The following DSTYK variants were observed in gnomAD, a reference collection of about 807,000 sequenced individuals.
DSTYK encodes dual serine/threonine and tyrosine protein kinase.
Under a neutral mutation model 98.7 loss-of-function variants are expected in DSTYK, and 34 were observed. The observed-to-expected ratio is 0.34, with a 90% CI of 0.26 to 0.46. The LOEUF is 0.46. Among genes scored for constraint, DSTYK ranks in the 20% least tolerant of loss-of-function variants. The pLI, the probability that DSTYK is intolerant of heterozygous loss-of-function variation, is 1.00. For synonymous variants in DSTYK, 462 were observed against 457.3 expected (o/e 1.01, Z -0.13); for missense variants, 962 against 1,181.7 (o/e 0.81, Z 2.73).
At chr1:205,178,331 G>A (rs540933973) in intron 2 of DSTYK, among the ~76,000 whole-genome samples, 5 of 151,978 alleles carry the variant, frequency 3.3e-5, no homozygotes, top group Admixed American at 6.6e-5. Flanking sequence ...ATATTGAATG[G>A]TCTCTATGCA....
chr1:205,183,569 T>C (rs918087535), intron 2 of DSTYK, among the ~76,000 whole-genome samples: 23 of 152,230 alleles, frequency 1.5e-4, no homozygotes, highest in African/African-American at 2.9e-4. Flanking sequence ...AAAATGAACA[T>C]TGCATTTCCC....
chr1:205,172,944 G>T (rs1459468620), intron 2 of DSTYK: 1 of 152,102 alleles, frequency 6.6e-6, no homozygotes, highest in Non-Finnish European at 1.5e-5. Context: ...TCACTACCCT[G>T]AGTCACACAT....
chr1:205,155,621 G>A (rs1012651225), intron 10 of DSTYK, among the ~76,000 whole-genome samples: 13 of 150,990 alleles, frequency 8.6e-5, no homozygotes, highest in Non-Finnish European at 1.5e-4. Flanking sequence ...TTGCGCCACT[G>A]CACTCCAGCC....
chr1:205,189,109 C>T (rs1658638507), intron 1 of DSTYK, among the ~76,000 whole-genome samples: 1 of 151,508 alleles, frequency 6.6e-6, no homozygotes, highest in Non-Finnish European at 1.5e-5. Flanking sequence ...TTTTCACCAC[C>T]CTTACGTTTT....
chr1:205,164,342 G>C (rs926020323), intron 3 of DSTYK, among the ~76,000 whole-genome samples: 5 of 151,922 alleles, frequency 3.3e-5, no homozygotes, highest in African/African-American at 1.2e-4. Context: ...GGAAGTAGAG[G>C]CTACAATGAG....
At chr1:205,208,366 T>C (rs1463775701) in intron 1 of DSTYK, among the ~76,000 whole-genome samples, 4 of 152,172 alleles carry the variant, frequency 2.6e-5, no homozygotes, top group Admixed American at 6.5e-5. Flanking sequence ...GACATGAAAA[T>C]TGTTTTACTA....
chr1:205,158,492 C>T (rs1264847034), intron 9 of DSTYK, among the ~76,000 whole-genome samples: 2 of 152,108 alleles, frequency 1.3e-5, no homozygotes, highest in Non-Finnish European at 2.9e-5. Context: ...AGGGTTTCAC[C>T]TTCACTCAAA....
intron 2 of DSTYK, among the ~76,000 whole-genome samples, chr1:205,183,579 C>G (rs982395882): frequency 6.6e-6 from 1 of 152,158 alleles, no homozygotes; most frequent in Non-Finnish European, 1.5e-5. Flanking sequence ...TTGCATTTCC[C>G]CTAATTCAAT....
intron 3 of DSTYK, among the ~76,000 whole-genome samples, chr1:205,168,128 T>C (rs147533550): frequency 6.6e-6 from 1 of 152,242 alleles, no homozygotes; most frequent in African/African-American, 2.4e-5. Context: ...GATTAATCAG[T>C]ACTTGGCAAC....
intron 2 of DSTYK, among the ~76,000 whole-genome samples, chr1:205,176,085 A>G (rs1658219617): frequency 6.6e-6 from 1 of 152,210 alleles, no homozygotes; most frequent in African/African-American, 2.4e-5. Flanking sequence ...AGTCATAGTG[A>G]ATTCCTAAAG....
chr1:205,211,497 G>A lies in DSTYK; in HGVS notation c.39C>T (p.Val13=), dbSNP rs1239672273. The stretch of plus-strand genomic sequence containing the variant: ...CGCCGCCGCCGGGGCCGGGACCCGA[G>A]ACGGGCTCGCTGCCCCATGGCACCC... ...GDGVPWGSEP[V]SGPGPGGGGM... is the part of the protein sequence containing the mutation. The change falls in exon 1 of 13, where the codon GTC becomes GTT. Residue 13 remains valine, a synonymous_variant. Transcript: ENST00000367162. The A allele has an allele frequency of 1.9e-6, 3 of 1,576,466 alleles. No individual in the cohort carries two copies. Among genetic ancestry groups the A allele is most frequent in the Non-Finnish European group, 2.6e-6 (3 of 1,166,362 alleles).
intron 1 of DSTYK, among the ~76,000 whole-genome samples, chr1:205,207,988 T>C (rs1049197067): frequency 2.6e-5 from 4 of 151,866 alleles, no homozygotes; most frequent in Non-Finnish European, 4.4e-5. Context: ...GTGATTCTCC[T>C]GCCTCAGCCT....
At chr1:205,202,446 G>A in intron 1 of DSTYK, 1 of 767,942 alleles carries the variant, frequency 1.3e-6, no homozygotes, top group Admixed American at 1.7e-5. Context: ...GGCCCAAAAA[G>A]CTTGCTGAAT....
Position 205,152,270 on chromosome 1 carries a change from C to T in DSTYK, c.2353-1476G>A, listed in dbSNP as rs113224704. Among the ~76,000 whole-genome samples the T allele has an allele frequency of 8.7e-3, 1,321 of 152,292 alleles. 23 individuals carry two copies. The highest frequency in any genetic ancestry group is 0.03 in the African/African-American group (1,264 of 41,566). ...TCGGCTCATCGCAACCTCTGCCTCC[C>T]GGGTTCAAGCGATTCTCCTGCCTCA... On this transcript the variant is annotated intron_variant, in intron 10 of 12. Transcript: ENST00000367162.
intron 7 of DSTYK, among the ~76,000 whole-genome samples, chr1:205,160,824 C>G (rs902620144): frequency 1.3e-5 from 2 of 151,642 alleles, no homozygotes; most frequent in African/African-American, 4.8e-5. Context: ...GCTCTGTCAC[C>G]CAGGCTGCAG....
chr1:205,183,196 G>A (rs1658469376), intron 2 of DSTYK, among the ~76,000 whole-genome samples: 2 of 152,104 alleles, frequency 1.3e-5, no homozygotes, highest in Admixed American at 6.6e-5. Context: ...AGATATACAT[G>A]CTTGAAGGAA....
At chr1:205,204,784 A>G (rs1453746876) in intron 1 of DSTYK, among the ~76,000 whole-genome samples, 1 of 152,100 alleles carries the variant, frequency 6.6e-6, no homozygotes, top group Admixed American at 6.5e-5. Flanking sequence ...CCTAGCAACC[A>G]CTAATCTACT....
chr1:205,156,454 T>A (rs1434655849), intron 10 of DSTYK, among the ~76,000 whole-genome samples: 1 of 152,052 alleles, frequency 6.6e-6, no homozygotes, highest in Non-Finnish European at 1.5e-5. Context: ...AGACATGGAG[T>A]CAAAGAAGAT....
At chr1:205,157,440 C>G in intron 9 of DSTYK, 54 bp from the exon 10 acceptor site, 1 of 1,418,500 alleles carries the variant, frequency 7.0e-7, no homozygotes, top group Non-Finnish European at 1.0e-6. Context: ...CTCAATTCAA[C>G]TGACTATACT....
Sources: allele counts gnomAD v4.1 joint callset (sites outside exome capture counted in the v4.1 genomes callset), GRCh38; gene constraint gnomAD v4.1.1; transcripts MANE v1.5; gene names NCBI Gene and HGNC (gene_info 2026-07-23, HGNC 2026-07-21).